The following FAM135B variants were observed in gnomAD, a reference collection of about 807,000 sequenced individuals.
FAM135B encodes family with sequence similarity 135 member B, also known as protein FAM135B.
Under a neutral mutation model 127.7 loss-of-function variants are expected in FAM135B, and 43 were observed. The ratio of observed to expected loss-of-function variants is 0.34; its 90% CI spans 0.26 to 0.43. The LOEUF is 0.43. Among genes scored for constraint, FAM135B ranks in the 20% least tolerant of loss-of-function variants. The pLI, the probability that FAM135B is intolerant of heterozygous loss-of-function variation, is 1.00. For synonymous variants in FAM135B, 670 were observed against 665.1 expected, an observed-to-expected ratio of 1.01 and a Z score of -0.11; for missense variants, 1,558 against 1,725.6, an observed-to-expected ratio of 0.90 and a Z score of 1.72.
chr8:138,175,810 T>C, intron 11 of FAM135B, among the ~76,000 whole-genome samples: 1 of 152,234 alleles, frequency 6.6e-6, no homozygotes, highest in East Asian at 1.9e-4. Flanking sequence ...GTCTTGCCTG[T>C]TTCCTCACTA....
chr8:138,304,022 T>G (rs557248240), intron 3 of FAM135B, among the ~76,000 whole-genome samples: 3 of 152,186 alleles, frequency 2.0e-5, no homozygotes, highest in Non-Finnish European at 4.4e-5. Flanking sequence ...CAGAAAACGA[T>G]GTATTGTTAA....
intron 3 of FAM135B, among the ~76,000 whole-genome samples, chr8:138,280,172 C>CA (rs779201408): frequency 3.9e-5 from 6 of 152,044 alleles, no homozygotes; most frequent in Non-Finnish European, 8.8e-5. Flanking sequence ...ACTAGGGTAC[C>CA]AAAAAACTAT....
At chr8:138,404,663 G>C (rs1833350836) in intron 1 of FAM135B, among the ~76,000 whole-genome samples, 1 of 151,998 alleles carries the variant, frequency 6.6e-6, no homozygotes, top group Non-Finnish European at 1.5e-5. Flanking sequence ...CAATGACAAC[G>C]ACTTCACCAG....
At chr8:138,156,727 C>A (rs1471968206) in intron 12 of FAM135B, among the ~76,000 whole-genome samples, 2 of 152,136 alleles carry the variant, frequency 1.3e-5, no homozygotes, top group African/African-American at 2.4e-5. Context: ...GACACATACA[C>A]CCTCCCAAGA....
intron 15 of FAM135B, among the ~76,000 whole-genome samples, chr8:138,143,993 G>C (rs1007757477): frequency 1.3e-5 from 2 of 152,154 alleles, no homozygotes; most frequent in Non-Finnish European, 2.9e-5. Flanking sequence ...AAGACTTCCT[G>C]GAACAAGAGA....
intron 1 of FAM135B, among the ~76,000 whole-genome samples, chr8:138,425,236 C>T (rs184800327): frequency 6.6e-6 from 1 of 152,112 alleles, no homozygotes; most frequent in Admixed American, 6.6e-5. Flanking sequence ...CTTACAGCAG[C>T]CTTTGATGTG....
At chr8:138,217,432 C>CT (rs538347463) in intron 7 of FAM135B, among the ~76,000 whole-genome samples, 32,622 of 129,022 alleles carry the variant, frequency 0.25, 4,739 homozygotes, top group Admixed American at 0.37. Flanking sequence ...TGATATATTT[C>CT]TTTTTTTTTT....
intron 1 of FAM135B, among the ~76,000 whole-genome samples, chr8:138,384,665 T>C (rs890015065): frequency 6.6e-6 from 1 of 152,062 alleles, no homozygotes; most frequent in Non-Finnish European, 1.5e-5. Context: ...CCTGTGTGTG[T>C]GTGTATGTGA....
At chr8:138,344,946 G>A (rs932314678) in intron 2 of FAM135B, among the ~76,000 whole-genome samples, 1 of 152,140 alleles carries the variant, frequency 6.6e-6, no homozygotes, top group African/African-American at 2.4e-5. Flanking sequence ...GATCCACTTG[G>A]AAAAGGGAGT....
intron 12 of FAM135B, among the ~76,000 whole-genome samples, chr8:138,153,597 A>T (rs1442127363): frequency 6.6e-6 from 1 of 152,218 alleles, no homozygotes; most frequent in East Asian, 1.9e-4. Context: ...CTAATACTGC[A>T]CTTTTCCAAC....
chr8:138,325,707 C>T (rs1323176514), intron 2 of FAM135B, among the ~76,000 whole-genome samples: 2 of 152,150 alleles, frequency 1.3e-5, no homozygotes, highest in Non-Finnish European at 2.9e-5. Context: ...TATAACTTCT[C>T]CCATTGCCTC....
chr8:138,144,810 G>A (rs934896683), intron 15 of FAM135B, among the ~76,000 whole-genome samples: 4 of 152,120 alleles, frequency 2.6e-5, no homozygotes, highest in African/African-American at 7.2e-5. Context: ...CCATGAAGCC[G>A]CATCAGAGAG....
intron 1 of FAM135B, among the ~76,000 whole-genome samples, chr8:138,380,422 G>A (rs1321593145): frequency 6.6e-6 from 1 of 151,988 alleles, no homozygotes; most frequent in Non-Finnish European, 1.5e-5. Context: ...TCAAACTCCT[G>A]GCCTCAGGTG....
chr8:138,270,837 G>T (rs777971082), intron 3 of FAM135B, among the ~76,000 whole-genome samples: 3 of 152,208 alleles, frequency 2.0e-5, no homozygotes, highest in Non-Finnish European at 4.4e-5. Context: ...GGGGACAAAC[G>T]TTTAAATCAT....
chr8:138,208,025 G>A (rs1380239695), intron 7 of FAM135B, among the ~76,000 whole-genome samples: 2 of 152,156 alleles, frequency 1.3e-5, no homozygotes, highest in Non-Finnish European at 2.9e-5. Flanking sequence ...AGAAGGTATT[G>A]TTTTTCAGTG....
intron 7 of FAM135B, among the ~76,000 whole-genome samples, chr8:138,223,105 C>G (rs77509502): frequency 0.019 from 2,906 of 152,254 alleles, 81 homozygotes; most frequent in African/African-American, 0.066. Context: ...CACACAGGAA[C>G]AGTTAGTTTC....
Position 138,414,955 on chromosome 8 carries a change from A to C in FAM135B, c.-19-46953T>G, listed in dbSNP as rs926510822. On this transcript the variant is annotated intron_variant, in intron 1 of 19. Coordinates refer to ENST00000395297, the MANE Select transcript of FAM135B (RefSeq NM_015912.4). ...TCCAAGCACCAAATGGTTTCCTATC[A>C]AAGGACCTTAAAGGGTCCAGAATCC... Among the ~76,000 whole-genome samples, 63 of 152,188 alleles carry C rather than the reference A, an allele frequency of 4.1e-4. 1 individual carries two copies. The highest frequency in any genetic ancestry group is 1.5e-3 in the African/African-American group (63 of 41,462).
rs557966766 is a variant in FAM135B, at chr8:138,195,278, G to A, written c.853C>T (p.Gln285Ter). ...ATTACCTGTAGCTCTGAGCACAGCT[G>A]AGAAAGTGTTTCTTCAACAGCAAGG... ...EALAVEETLSQLCSELQMLNN... is the reference protein window; with the variant it reads ...EALAVEETLS Residue 285 changes from glutamine to a stop codon, truncating the protein, a stop_gained, in exon 9 of 20, where the codon CAG (glutamine) becomes TAG (stop). Transcript: ENST00000395297. LOFTEE classifies it high-confidence loss of function. The A allele has an allele frequency of 6.2e-7, 1 of 1,613,792 alleles. No homozygotes were observed.
At chr8:138,487,233 C>T (rs190861643) in intron 1 of FAM135B, among the ~76,000 whole-genome samples, 8 of 152,238 alleles carry the variant, frequency 5.3e-5, no homozygotes, top group African/African-American at 1.9e-4. Context: ...TTTGTGAAGT[C>T]CATGCAGGGA....
Sources: allele counts gnomAD v4.1 joint callset (sites outside exome capture counted in the v4.1 genomes callset), GRCh38; gene constraint gnomAD v4.1.1; transcripts MANE v1.5; gene names NCBI Gene and HGNC (gene_info 2026-07-23, HGNC 2026-07-21).